The following ITIH5 variants were observed in gnomAD, a reference collection of about 807,000 sequenced individuals.
ITIH5 encodes the protein inter-alpha-trypsin inhibitor heavy chain 5, also known as inter-alpha-trypsin inhibitor heavy chain H5.
In ITIH5, 65 loss-of-function variants were observed where a neutral mutation model predicts 77.5. The observed-to-expected ratio is 0.84, with a 90% CI of 0.69 to 1.03. ITIH5 has a LOEUF of 1.03. Among genes scored for constraint, ITIH5 ranks in the 50% least tolerant of loss-of-function variants. The pLI is 0.00. For synonymous variants in ITIH5, 525 were observed against 494.3 expected (o/e 1.06, Z -0.82); for missense variants, 1,208 against 1,213.1 (o/e 1.00, Z 0.06).
chr10:7,560,087 T>C lies in ITIH5; in HGVS notation c.*2996A>G. ...GGATGGTCTCCATCTCCTGACCTCA[T>C]GATCCACCCTTCTCGGCCTCCCAAA... On this transcript the variant is annotated 3_prime_UTR_variant, in exon 14 of 14. Transcript: ENST00000397146. 3.4e-6 allele frequency: 1 copy of C among 296,278 alleles called. No individual in the cohort carries two copies. The allele number at this position is 296,278 out of a possible 1,614,324, so 18.4% of individuals were successfully genotyped here. A position where few individuals can be genotyped will look rare whatever the true frequency, so the allele number is the denominator to read the frequency against.
chr10:7,660,941 C>T (rs1161981468), intron 1 of ITIH5, among the ~76,000 whole-genome samples: 1 of 152,222 alleles, frequency 6.6e-6, no homozygotes, highest in Non-Finnish European at 1.5e-5. Context: ...TGGACAGGTA[C>T]AGGTTGGTGG....
chr10:7,658,556 TCGGGGC>T (rs1443387918), intron 1 of ITIH5, among the ~76,000 whole-genome samples: 2 of 152,106 alleles, frequency 1.3e-5, no homozygotes, highest in East Asian at 3.8e-4. Flanking sequence ...GCCCAGGGTG[TCGGGGC>T]ACAGCTGCTT....
intron 2 of ITIH5, among the ~76,000 whole-genome samples, chr10:7,653,149 G>T (rs1834127603): frequency 6.6e-6 from 1 of 152,162 alleles, no homozygotes; most frequent in African/African-American, 2.4e-5. Context: ...GATAGACATG[G>T]TATGAATACA....
chr10:7,653,577 T>A (rs371293038), intron 2 of ITIH5, among the ~76,000 whole-genome samples: 13 of 152,228 alleles, frequency 8.5e-5, no homozygotes, highest in African/African-American at 2.4e-4. Flanking sequence ...AAAGAAGAAA[T>A]GAAAGTGTTT....
chr10:7,576,928 G>C lies in ITIH5; in HGVS notation c.1503C>G (p.Thr501=). ...PPSSVVQATK[T]LFPNYFNGSE... ...AGCCGTTGAAGTAGTTGGGGAACAG[G>C]GTCTTGGTGGCCTGCACCACTGAGC... Residue 501 remains threonine (T), a synonymous_variant, in exon 10 of 14, where the codon ACC becomes ACG. Coordinates refer to ENST00000397146, the MANE Select transcript of ITIH5 (RefSeq NM_030569.7). 1 of 1,614,178 alleles carries C rather than the reference G, an allele frequency of 6.2e-7. No individual in the cohort carries two copies. The highest frequency in any genetic ancestry group is 8.5e-7 in the Non-Finnish European group (1 of 1,180,036).
intron 2 of ITIH5, among the ~76,000 whole-genome samples, chr10:7,644,056 C>T (rs1007238634): frequency 6.6e-6 from 1 of 152,096 alleles, no homozygotes. Flanking sequence ...GTCTGGCCAA[C>T]ATGGTGAAAC....
chr10:7,602,841 T>C (rs575070780), intron 7 of ITIH5, among the ~76,000 whole-genome samples: 1 of 152,332 alleles, frequency 6.6e-6, no homozygotes, highest in South Asian at 2.1e-4. Context: ...CTACTTCTTC[T>C]TTAATAACAG....
chr10:7,562,909 A>ACCCCCC lies in ITIH5; in HGVS notation c.*173_*174insGGGGGG. ...ATTTGCACTCAGGCTTCCCGCCCCT[A>ACCCCCC]CCCACCCCTACCCTTCGCCCAGACA... On this transcript the variant is annotated 3_prime_UTR_variant, in exon 14 of 14. Coordinates refer to ENST00000397146, the MANE Select transcript of ITIH5 (RefSeq NM_030569.7). 1 of 551,812 alleles carries ACCCCCC rather than the reference A, an allele frequency of 1.8e-6. No individual in the cohort carries two copies. The highest frequency in any genetic ancestry group is 3.4e-6 in the Non-Finnish European group (1 of 296,016). 34.2% of individuals were successfully genotyped at this position (551,812 alleles called of 1,614,324 possible).
chr10:7,573,018 T>C (rs1832334742), intron 11 of ITIH5, 124 bp downstream of exon 11: 1 of 814,680 alleles, frequency 1.2e-6, no homozygotes, highest in Non-Finnish European at 2.1e-6. Flanking sequence ...CCTCAAGCAA[T>C]ACACCCACCT....
chr10:7,613,571 A>T (rs1470794026), intron 7 of ITIH5, among the ~76,000 whole-genome samples: 2 of 152,252 alleles, frequency 1.3e-5, no homozygotes, highest in African/African-American at 4.8e-5. Context: ...TTTGAAAAAG[A>T]ACTTAAATAT....
At chr10:7,601,126 C>A (rs1361590816) in intron 7 of ITIH5, among the ~76,000 whole-genome samples, 2 of 152,108 alleles carry the variant, frequency 1.3e-5, no homozygotes, top group Non-Finnish European at 2.9e-5. Context: ...CCTCTCCCCA[C>A]AAATTTTACT....
At chr10:7,601,290 C>T (rs1833010087) in intron 7 of ITIH5, among the ~76,000 whole-genome samples, 1 of 152,026 alleles carries the variant, frequency 6.6e-6, no homozygotes, top group South Asian at 2.1e-4. Context: ...TTCTTTACCC[C>T]AATTCAGAGA....
intron 2 of ITIH5, among the ~76,000 whole-genome samples, chr10:7,644,561 T>G (rs898674407): frequency 7.2e-6 from 1 of 139,410 alleles, no homozygotes; most frequent in Non-Finnish European, 1.5e-5. Context: ...ATATCACATA[T>G]ATATGATATA....
intron 1 of ITIH5, among the ~76,000 whole-genome samples, chr10:7,656,906 G>A (rs1053699668): frequency 6.6e-5 from 10 of 151,624 alleles, no homozygotes; most frequent in South Asian, 4.2e-4. Flanking sequence ...ACTACGCCCC[G>A]CTAATTTTTG....
chr10:7,614,360 T>C (rs1246385489), intron 7 of ITIH5, among the ~76,000 whole-genome samples: 1 of 152,220 alleles, frequency 6.6e-6, no homozygotes, highest in African/African-American at 2.4e-5. Flanking sequence ...TATTTGGCTA[T>C]CCTCTAAAAC....
rs751386578 is a variant in ITIH5, at chr10:7,577,000, T to A, written c.1431A>T (p.Glu477Asp). 1.9e-6 allele frequency: 3 copies of A among 1,609,122 alleles called. No homozygotes were observed. Among genetic ancestry groups the A allele is most frequent in the Non-Finnish European group, 2.5e-6 (3 of 1,176,522 alleles). ...TGTCAGAGAGGAGCGGGGTCCTGAT[T>A]TCATCGTAGAACCTGCAGTGGAAGC... ...AGSQLIGFYD[E>D]IRTPLLSDIR... Residue 477 changes from glutamate (E) to aspartate (D), a missense_variant, in exon 10 of 14, where the codon GAA (glutamate) becomes GAT (aspartate). By Grantham distance (45) the Glu-to-Asp change is conservative. Coordinates refer to ENST00000397146, the MANE Select transcript of ITIH5 (RefSeq NM_030569.7).
At chr10:7,615,870 T>A in intron 7 of ITIH5, 112 bp downstream of exon 7, 1 of 707,696 alleles carries the variant, frequency 1.4e-6, no homozygotes, top group South Asian at 1.6e-5. Flanking sequence ...TAGGCAGGAA[T>A]CGCTGGATGG....
intron 7 of ITIH5, among the ~76,000 whole-genome samples, chr10:7,610,192 C>A (rs1374305461): frequency 6.6e-6 from 1 of 150,566 alleles, no homozygotes; most frequent in Non-Finnish European, 1.5e-5. Flanking sequence ...AACTCATCTG[C>A]AAAAGCACAC....
intron 6 of ITIH5, 106 bp downstream of exon 6, chr10:7,617,007 A>C (rs112411306): frequency 4.3e-6 from 3 of 693,632 alleles, no homozygotes; most frequent in African/African-American, 3.7e-5. Context: ...AAATTTACTA[A>C]GAAGCAGAAA....
Sources: allele counts gnomAD v4.1 joint callset (sites outside exome capture counted in the v4.1 genomes callset), GRCh38; gene constraint gnomAD v4.1.1; transcripts MANE v1.5; gene names NCBI Gene and HGNC (gene_info 2026-07-23, HGNC 2026-07-21).